Variants in PALMD observed in about 807,000 individuals in gnomAD.
PALMD encodes the protein paralemmin-like protein.
Under a neutral mutation model 56.2 loss-of-function variants are expected in PALMD, and 42 were observed. The observed-to-expected ratio is 0.75, with a 90% CI of 0.58 to 0.97. The LOEUF is 0.97. Among genes scored for constraint, PALMD ranks in the 50% least tolerant of loss-of-function variants. PALMD has a pLI of 0.00. For missense variants in PALMD, 660 were observed against 643.8 expected (o/e 1.03, Z -0.27); for synonymous variants, 242 against 222.9 (o/e 1.09, Z -0.76).
chr1:99,649,138 T>C (rs1652511222), intron 1 of PALMD, among the ~76,000 whole-genome samples: 1 of 152,212 alleles, frequency 6.6e-6, no homozygotes, highest in Admixed American at 6.5e-5. Context: ...GATTCTATTT[T>C]ACACAATTAC....
chr1:99,652,599 G>A lies in PALMD; in HGVS notation c.45+6237G>A, dbSNP rs574648553. Reference sequence around the variant, plus strand: ...AGCCTGGGTAACAGAGTGAGACTCCGTCAGAAAAGAAAAGAAAAGACAGAA... The same window carrying A: ...AGCCTGGGTAACAGAGTGAGACTCCATCAGAAAAGAAAAGAAAAGACAGAA... On this transcript the variant is annotated intron_variant, in intron 1 of 7. Coordinates refer to ENST00000263174, the MANE Select transcript of PALMD (RefSeq NM_017734.5). Among the ~76,000 whole-genome samples the A allele has an allele frequency of 1.1e-4, 17 of 148,718 alleles. No individual in the cohort carries two copies. In the South Asian group the frequency reaches 1.5e-3, roughly 13 times the overall value.
At chr1:99,649,450 C>G (rs1425876700) in intron 1 of PALMD, among the ~76,000 whole-genome samples, 1 of 152,102 alleles carries the variant, frequency 6.6e-6, no homozygotes, top group African/African-American at 2.4e-5. Context: ...ACTGAGGATA[C>G]CAATGACTCC....
intron 2 of PALMD, among the ~76,000 whole-genome samples, chr1:99,662,745 CTTTTG>C (rs1652873525): frequency 6.6e-6 from 1 of 152,166 alleles, no homozygotes; most frequent in Non-Finnish European, 1.5e-5. Context: ...TAGGAAGTGC[CTTTTG>C]AAATCAATGA....
At chr1:99,663,898 T>G (rs1255820868) in intron 2 of PALMD, among the ~76,000 whole-genome samples, 5 of 152,158 alleles carry the variant, frequency 3.3e-5, no homozygotes, top group African/African-American at 1.2e-4. Context: ...TCTTCCTTAT[T>G]GGTTTGCTCT....
chr1:99,683,044 GAAAGAA>G (rs1458413153), intron 3 of PALMD, among the ~76,000 whole-genome samples: 1 of 13,188 alleles, frequency 7.6e-5, no homozygotes, highest in East Asian at 3.8e-3. Context: ...AAGAAAGAAA[GAAAGAA>G]AGAAAGAGAG....
intron 1 of PALMD, among the ~76,000 whole-genome samples, chr1:99,648,360 G>A (rs867932939): frequency 2.0e-5 from 3 of 152,034 alleles, no homozygotes; most frequent in African/African-American, 4.8e-5. Flanking sequence ...CCTGGGACAC[G>A]CCAGCTTTCC....
intron 3 of PALMD, among the ~76,000 whole-genome samples, chr1:99,681,142 T>C: frequency 7.4e-6 from 1 of 135,880 alleles, no homozygotes; most frequent in East Asian, 1.9e-4. Context: ...TGTGTATGTA[T>C]ATATATATAT....
chr1:99,670,929 C>G (rs1653071793), intron 3 of PALMD, among the ~76,000 whole-genome samples: 1 of 152,006 alleles, frequency 6.6e-6, no homozygotes, highest in African/African-American at 2.4e-5. Context: ...AAATCAGGTG[C>G]ATGTTTTTAA....
chr1:99,687,605 A>G (rs1437680645), intron 6 of PALMD, among the ~76,000 whole-genome samples: 2 of 152,184 alleles, frequency 1.3e-5, no homozygotes, highest in African/African-American at 4.8e-5. Flanking sequence ...CATAAAACTG[A>G]TGCTTCAAAG....
intron 1 of PALMD, among the ~76,000 whole-genome samples, chr1:99,650,835 A>T (rs558772854): frequency 6.6e-6 from 1 of 152,156 alleles, no homozygotes; most frequent in East Asian, 1.9e-4. Flanking sequence ...ATTTTTCCTT[A>T]TTCGTTCTAT....
intron 3 of PALMD, among the ~76,000 whole-genome samples, chr1:99,671,510 G>T (rs1380024172): frequency 6.6e-6 from 1 of 152,242 alleles, no homozygotes; most frequent in Admixed American, 6.5e-5. Flanking sequence ...CTTACTAAAA[G>T]GTGAAATTAG....
At chr1:99,681,260 G>A (rs985974074) in intron 3 of PALMD, among the ~76,000 whole-genome samples, 2 of 151,786 alleles carry the variant, frequency 1.3e-5, no homozygotes, top group African/African-American at 2.4e-5. Context: ...TTTCTATAGT[G>A]GCTAATTGGA....
At chr1:99,656,838 T>C (rs1014455748) in intron 1 of PALMD, among the ~76,000 whole-genome samples, 1 of 152,208 alleles carries the variant, frequency 6.6e-6, no homozygotes, top group Admixed American at 6.5e-5. Context: ...CAAACTCTAA[T>C]ATGTAAAATG....
At position 99,671,748 on chromosome 1, in the gene PALMD, T is replaced by G. The variant is rs567662161; in HGVS notation, c.251+3982T>G. On this transcript the variant is annotated intron_variant, in intron 3 of 7. Coordinates refer to ENST00000263174, the MANE Select transcript of PALMD (RefSeq NM_017734.5). ...GGAACATTTGCTGTGGACCAGGCATTGTGCTAAACATTTCATGTACATTAT... is the reference window on the plus strand; with the variant it reads ...GGAACATTTGCTGTGGACCAGGCATGGTGCTAAACATTTCATGTACATTAT... Among the ~76,000 whole-genome samples the G allele has an allele frequency of 3.3e-5, 5 of 152,258 alleles. No homozygotes were observed. In the East Asian group the frequency reaches 9.6e-4, roughly 29 times the overall value.
At chr1:99,679,509 G>A (rs1400769746) in intron 3 of PALMD, among the ~76,000 whole-genome samples, 2 of 152,122 alleles carry the variant, frequency 1.3e-5, no homozygotes, top group African/African-American at 4.8e-5. Context: ...CTAACCCACT[G>A]AGCAGAAAAA....
chr1:99,683,164 A>C (rs1449421136), intron 3 of PALMD: 1 of 137,820 alleles, frequency 7.3e-6, no homozygotes, highest in Non-Finnish European at 1.6e-5. Context: ...GAAAGAAAGA[A>C]AGAAACGAAC....
chr1:99,675,368 G>A (rs1028544835), intron 3 of PALMD, among the ~76,000 whole-genome samples: 2 of 152,124 alleles, frequency 1.3e-5, no homozygotes, highest in Non-Finnish European at 2.9e-5. Flanking sequence ...TCATAGAAAT[G>A]TTTTTCTCTA....
At position 99,689,448 on chromosome 1, in the gene PALMD, A is replaced by G; in HGVS notation, c.1188A>G (p.Arg396=). 6.2e-7 allele frequency: 1 copy of G among 1,613,758 alleles called. No individual in the cohort carries two copies. Among genetic ancestry groups the G allele is most frequent in the African/African-American group, 1.3e-5 (1 of 75,016 alleles). ...GTCAGGAGGACGAGGAAGATGTCAG[A>G]TATAATATCGTTCATTCCCTGCCTC... ...PTCQEDEEDV[R]YNIVHSLPPD... Residue 396 remains arginine (R), a synonymous_variant, in exon 7 of 8, where the codon AGA becomes AGG. Transcript: ENST00000263174.
chr1:99,694,251 A>G lies in PALMD; in HGVS notation c.*189A>G. On this transcript the variant is annotated 3_prime_UTR_variant, in exon 8 of 8. Transcript: ENST00000263174. ...ATTCCCAAAAAGCTGGGGAAAACAA[A>G]TGTGTAACTTTTCCAGTTACTTGAC... The G allele has an allele frequency of 2.1e-6, 1 of 467,896 alleles. No homozygotes were observed. The highest frequency in any genetic ancestry group is 3.9e-6 in the Non-Finnish European group (1 of 258,062). The allele number at this position is 467,896 out of a possible 1,614,324, so 29.0% of individuals were successfully genotyped here.
Sources: allele counts gnomAD v4.1 joint callset (sites outside exome capture counted in the v4.1 genomes callset), GRCh38; gene constraint gnomAD v4.1.1; transcripts MANE v1.5; gene names NCBI Gene and HGNC (gene_info 2026-07-23, HGNC 2026-07-21).